The following CACNA2D1 variants were observed in gnomAD, a reference collection of about 807,000 sequenced individuals.
CACNA2D1 encodes the protein voltage-dependent calcium channel subunit alpha-2/delta-1.
Under a neutral mutation model 171.5 loss-of-function variants are expected in CACNA2D1, and 53 were observed. The observed-to-expected ratio is 0.31, with a 90% confidence interval of 0.25 to 0.39. The LOEUF is 0.39. Ranked by LOEUF, CACNA2D1 falls within the 10% of genes least tolerant of loss-of-function variation. The probability of loss-of-function intolerance (pLI) is 1.00; values close to 1 mark genes in which losing one functional copy is unlikely to be tolerated. For synonymous variants in CACNA2D1, 442 were observed against 443.1 expected, an observed-to-expected ratio of 1.00 and a Z score of 0.03; for missense variants, 903 against 1,299.8, an observed-to-expected ratio of 0.69 and a Z score of 4.69.
intron 1 of CACNA2D1, among the ~76,000 whole-genome samples, chr7:82,393,799 AAAC>A (rs1254574709): frequency 6.6e-6 from 1 of 152,162 alleles, no homozygotes; most frequent in Non-Finnish European, 1.5e-5. Context: ...TAAAATCATC[AAAC>A]AAATGTGTAA....
chr7:82,064,151 G>C (rs1807310291), intron 9 of CACNA2D1, among the ~76,000 whole-genome samples, 153 bp downstream of exon 9: 1 of 151,612 alleles, frequency 6.6e-6, no homozygotes, highest in South Asian at 2.1e-4. Flanking sequence ...TTATTGTCTT[G>C]ATATGGCTTC....
chr7:82,438,011 T>C (rs1830232629), intron 1 of CACNA2D1, among the ~76,000 whole-genome samples: 2 of 152,196 alleles, frequency 1.3e-5, no homozygotes, highest in South Asian at 4.1e-4. Flanking sequence ...GTATAGTTTC[T>C]TTCTCACACT....
At position 81,946,971 on chromosome 7, in the gene CACNA2D1, AAT is replaced by A. The variant is rs1240101686; in HGVS notation, c.*3419_*3420del. 1 of 152,104 alleles carries A rather than the reference AAT, an allele frequency of 6.6e-6. No individual in the cohort carries two copies. Among genetic ancestry groups the A allele is most frequent in the African/African-American group, 2.4e-5 (1 of 41,440 alleles). 9.4% of individuals were successfully genotyped at this position (152,104 alleles called of 1,614,324 possible). ...GAAACAATACAAGTTTAGATGAAAA[AAT>A]ATTTAAAATTTTGGGCAAGTGAAAT... On this transcript the variant is annotated 3_prime_UTR_variant, in exon 39 of 39. Transcript: ENST00000356860.
chr7:82,443,561 C>T lies in CACNA2D1; in HGVS notation c.-102G>A. On this transcript the variant is annotated 5_prime_UTR_variant, in exon 1 of 39. Coordinates refer to ENST00000356860, the MANE Select transcript of CACNA2D1 (RefSeq NM_000722.4). ...AGAGCAGCACACGCCGCCGGGACCG[C>T]GGGCGTCTGGAGGGCTGGCTGCGCC... The T allele has an allele frequency of 1.3e-6, 2 of 1,514,278 alleles. No individual in the cohort carries two copies. The highest frequency in any genetic ancestry group is 8.9e-7 in the Non-Finnish European group (1 of 1,129,652). The allele number at this position is 1,514,278 out of a possible 1,614,324, so 93.8% of individuals were successfully genotyped here.
chr7:82,283,527 C>T lies in CACNA2D1; in HGVS notation c.294+51608G>A, dbSNP rs140066190. Among the ~76,000 whole-genome samples, 39 of 152,174 alleles carry T rather than the reference C, an allele frequency of 2.6e-4. 1 individual carries two copies. The highest frequency in any genetic ancestry group is 2.3e-3 in the East Asian group (12 of 5,172). ...AAGCAATTTCATATGGAGATTAAAA[C>T]ATTAATGGAGAATTTTAAGTGAACG... On this transcript the variant is annotated intron_variant, in intron 3 of 38. Coordinates refer to ENST00000356860, the MANE Select transcript of CACNA2D1 (RefSeq NM_000722.4).
At chr7:82,406,831 A>AT (rs36046477) in intron 1 of CACNA2D1, among the ~76,000 whole-genome samples, 1 of 151,910 alleles carries the variant, frequency 6.6e-6, no homozygotes, top group African/African-American at 2.4e-5. Context: ...CAATCTTAGA[A>AT]TTTTTTTGTC....
chr7:82,182,807 G>T (rs1448890142), intron 3 of CACNA2D1, among the ~76,000 whole-genome samples: 1 of 152,100 alleles, frequency 6.6e-6, no homozygotes, highest in African/African-American at 2.4e-5. Context: ...GGAGGATGAG[G>T]AGGGCGGATC....
chr7:82,149,786 A>AAAG (rs1793583431), intron 4 of CACNA2D1, among the ~76,000 whole-genome samples: 2 of 142,566 alleles, frequency 1.4e-5, no homozygotes, highest in African/African-American at 5.1e-5. Flanking sequence ...AAAAAAACAA[A>AAAG]CAAACAACAA....
chr7:82,031,887 C>T (rs1802742530), intron 12 of CACNA2D1, among the ~76,000 whole-genome samples: 3 of 151,948 alleles, frequency 2.0e-5, no homozygotes, highest in African/African-American at 4.8e-5. Flanking sequence ...AGTGAATGGG[C>T]ATTTTACCCT....
At chr7:82,232,854 A>T (rs1228623193) in intron 3 of CACNA2D1, among the ~76,000 whole-genome samples, 1 of 99,052 alleles carries the variant, frequency 1.0e-5, no homozygotes, top group Non-Finnish European at 1.9e-5. Flanking sequence ...ACAGAGCGAG[A>T]TGTCTCCAAA....
intron 3 of CACNA2D1, among the ~76,000 whole-genome samples, chr7:82,202,822 G>C (rs561379602): frequency 9.3e-5 from 12 of 129,122 alleles, no homozygotes; most frequent in African/African-American, 4.2e-4. Context: ...CTGTAAAGAC[G>C]GGGAAAATGC....
intron 3 of CACNA2D1, among the ~76,000 whole-genome samples, chr7:82,185,064 A>T (rs1198355225): frequency 6.6e-6 from 1 of 152,182 alleles, no homozygotes; most frequent in Non-Finnish European, 1.5e-5. Flanking sequence ...CTACCTGATG[A>T]AAGAAGTTAT....
chr7:81,950,557 T>G, intron 38 of CACNA2D1, 49 bp from the exon 39 acceptor site: 1 of 1,556,344 alleles, frequency 6.4e-7, no homozygotes, highest in Non-Finnish European at 8.7e-7. Context: ...AATCTAAAAA[T>G]CTTGAAAAAT....
chr7:82,351,876 A>G (rs886768853), intron 1 of CACNA2D1, among the ~76,000 whole-genome samples: 4 of 152,178 alleles, frequency 2.6e-5, no homozygotes, highest in Admixed American at 6.5e-5. Context: ...CCTAGAACCT[A>G]CAAAAAATGA....
At chr7:82,081,716 C>T (rs922101804) in intron 7 of CACNA2D1, among the ~76,000 whole-genome samples, 14 of 152,178 alleles carry the variant, frequency 9.2e-5, no homozygotes. Context: ...TGGCCAGTGA[C>T]ACCCCTGCCC....
In CACNA2D1 at chr7:82,079,849, C is replaced by T. The variant is rs368532457; in HGVS notation, c.658+4920G>A. Among the ~76,000 whole-genome samples the T allele has an allele frequency of 2.7e-3, 406 of 151,992 alleles. 3 individuals carry two copies. The highest frequency in any genetic ancestry group is 9.3e-3 in the African/African-American group (387 of 41,422). ...GGAGGAATAAATTCAAGAAATCTAT[C>T]ATATAAACGGTGACTTTAGTTAATG... On this transcript the variant is annotated intron_variant, in intron 7 of 38. Coordinates refer to ENST00000356860, the MANE Select transcript of CACNA2D1 (RefSeq NM_000722.4).
At chr7:82,438,693 T>C (rs1048605349) in intron 1 of CACNA2D1, among the ~76,000 whole-genome samples, 3 of 152,148 alleles carry the variant, frequency 2.0e-5, no homozygotes, top group Non-Finnish European at 4.4e-5. Context: ...AGATAGTTCA[T>C]GAAAAGAAAG....
intron 29 of CACNA2D1, 138 bp downstream of exon 29, chr7:81,968,744 TATTTA>T (rs1794962894): frequency 5.0e-6 from 3 of 602,820 alleles, no homozygotes; most frequent in Non-Finnish European, 8.9e-6. Flanking sequence ...AGTCATATTT[TATTTA>T]ATTTTTTTAA....
intron 38 of CACNA2D1, among the ~76,000 whole-genome samples, chr7:81,954,135 G>A (rs750608236): frequency 6.6e-6 from 1 of 152,064 alleles, no homozygotes; most frequent in Admixed American, 6.6e-5. Context: ...ATGCACTGAT[G>A]TGGGAGGAAC....
Sources: gnomAD v4.1 joint callset for allele counts (sites outside exome capture counted in the v4.1 genomes callset) on GRCh38, gnomAD v4.1.1 for gene constraint, MANE v1.5 for transcripts, NCBI Gene and HGNC (gene_info 2026-07-23, HGNC 2026-07-21) for gene names.